The following ATAD2B variants were observed in gnomAD, a reference collection of about 807,000 sequenced individuals.
The protein encoded by ATAD2B is ATPase family AAA domain containing 2B.
ATAD2B carries 40 observed loss-of-function variants against 167.6 expected under a neutral mutation model. The ratio of observed to expected loss-of-function variants is 0.24; its 90% CI spans 0.19 to 0.31. The LOEUF is 0.31. ATAD2B is among the 10% of genes least tolerant of loss of function. ATAD2B has a pLI of 1.00. For synonymous variants in ATAD2B, 579 were observed against 596.5 expected (o/e 0.97, Z 0.43); for missense variants, 1,242 against 1,757.2 (o/e 0.71, Z 5.24).
At chr2:23,693,917 G>A in the ATAD2B span, among the ~76,000 whole-genome samples, 1 of 152,182 alleles carries the variant, frequency 6.6e-6, no homozygotes, top group Non-Finnish European at 1.5e-5. Context: ...GGGAGAGTGA[G>A]GTCCTGAGGG....
rs1202069671 is a variant in ATAD2B at position 23,758,025 on chromosome 2, T to A, written c.3471A>T (p.Leu1157Phe). 3.1e-6 allele frequency: 5 copies of A among 1,609,482 alleles called. No individual in the cohort carries two copies. Among genetic ancestry groups the A allele is most frequent in the East Asian group, 2.2e-5 (1 of 44,848 alleles). ...GIIKKRKVNN[L>F]KKDEEDTKFA... ...ATTTGGTGTCTTCTTCATCTTTTTT[T>A]AAATTATTAACTTTCCTTTTCTTAA... The change falls in exon 25 of 28, where the codon TTA becomes TTT. Residue 1157 changes from leucine (L) to phenylalanine (F), a missense_variant. This residue lies in a region of ATAD2B where 282 missense variants were observed against 346.8 expected (regional missense o/e 0.81). Transcript: ENST00000238789.
At chr2:23,798,573 C>T (rs1682968016) in intron 18 of ATAD2B, among the ~76,000 whole-genome samples, 3 of 151,092 alleles carry the variant, frequency 2.0e-5, no homozygotes, top group Non-Finnish European at 2.9e-5. Flanking sequence ...TATTCCTATT[C>T]AGTATATATT....
the ATAD2B span, among the ~76,000 whole-genome samples, chr2:23,733,404 C>G: frequency 6.6e-6 from 1 of 152,214 alleles, no homozygotes; most frequent in African/African-American, 2.4e-5. Flanking sequence ...AATTGCTAGA[C>G]ACCCTCTACC....
At chr2:23,763,802 G>T (rs533570546) in intron 23 of ATAD2B, among the ~76,000 whole-genome samples, 1 of 152,060 alleles carries the variant, frequency 6.6e-6, no homozygotes, top group African/African-American at 2.4e-5. Flanking sequence ...ATGTTGCCCA[G>T]GCTGGTCTCA....
the ATAD2B span, among the ~76,000 whole-genome samples, chr2:23,728,944 G>A: frequency 1.3e-5 from 2 of 152,282 alleles, no homozygotes; most frequent in South Asian, 2.1e-4. Flanking sequence ...GGCTGGGGAG[G>A]CCTCAGGAAA....
At chr2:23,827,364 T>C (rs1688413243) in intron 15 of ATAD2B, among the ~76,000 whole-genome samples, 1 of 152,162 alleles carries the variant, frequency 6.6e-6, no homozygotes, top group South Asian at 2.1e-4. Flanking sequence ...TCTTTGGAAA[T>C]GCAAAAGGAA....
At chr2:23,801,411 G>A (rs1454723676) in intron 18 of ATAD2B, among the ~76,000 whole-genome samples, 1 of 151,956 alleles carries the variant, frequency 6.6e-6, no homozygotes, top group Non-Finnish European at 1.5e-5. Flanking sequence ...TTGGGAACAA[G>A]TGATGCCATT....
downstream of ATAD2B, chr2:23,748,638 G>A (rs1012948735): frequency 6.6e-6 from 1 of 152,092 alleles, no homozygotes; most frequent in Admixed American, 6.6e-5. Flanking sequence ...AGCCAACAGT[G>A]ATCATAATTA....
intron 17 of ATAD2B, among the ~76,000 whole-genome samples, chr2:23,817,938 T>C (rs1164180010): frequency 2.0e-5 from 3 of 152,134 alleles, no homozygotes; most frequent in South Asian, 2.1e-4. Context: ...ACATGATACT[T>C]TCTAATATCA....
chr2:23,854,441 G>A (rs1693036260), intron 13 of ATAD2B, among the ~76,000 whole-genome samples: 1 of 152,034 alleles, frequency 6.6e-6, no homozygotes, highest in Non-Finnish European at 1.5e-5. Flanking sequence ...ACTTTGGGAG[G>A]CCGAGGTGGG....
chr2:23,852,289 T>C (rs1408025170), intron 13 of ATAD2B, among the ~76,000 whole-genome samples: 1 of 151,910 alleles, frequency 6.6e-6, no homozygotes, highest in East Asian at 1.9e-4. Context: ...GGGAATGCCA[T>C]CTCATCTTTT....
rs572087707 is a variant in ATAD2B, at chr2:23,859,967, T to C, written c.1480-2464A>G. On this transcript the variant is annotated intron_variant, in intron 12 of 27. Transcript: ENST00000238789. ...TCAGCCTCAAAAAAAAAAAAAGAAA[T>C]TTAATTGTCATTGTGACAGGTATTG... 2.6e-5 allele frequency among the ~76,000 whole-genome samples: 4 copies of C among 151,530 alleles called. No homozygotes were observed. The East Asian group carries it at 7.8e-4, about 30-fold the overall frequency.
intron 19 of ATAD2B, among the ~76,000 whole-genome samples, chr2:23,794,915 C>T (rs1682364147): frequency 6.6e-6 from 1 of 152,032 alleles, no homozygotes; most frequent in Non-Finnish European, 1.5e-5. Flanking sequence ...ATCGTGGGGA[C>T]TATTGAACTA....
chr2:23,735,800 A>C, the ATAD2B span, among the ~76,000 whole-genome samples: 1 of 152,330 alleles, frequency 6.6e-6, no homozygotes, highest in East Asian at 1.9e-4. Flanking sequence ...TAAGTCAAGG[A>C]AAGGTGAAAG....
chr2:23,893,077 T>A lies in ATAD2B; in HGVS notation c.368+2742A>T, dbSNP rs187348258. Among the ~76,000 whole-genome samples, 34 of 152,316 alleles carry A rather than the reference T, an allele frequency of 2.2e-4. No individual in the cohort carries two copies. The South Asian group carries it at 5.0e-3, about 22-fold the overall frequency. On this transcript the variant is annotated intron_variant, in intron 2 of 27. Coordinates refer to ENST00000238789, the MANE Select transcript of ATAD2B (RefSeq NM_017552.4). ...AAAATTCTGTTGATACACTTGGGCCTTTAAACCCAGGTTTCACCCCAAAAG... is the reference window on the plus strand; with the variant it reads ...AAAATTCTGTTGATACACTTGGGCCATTAAACCCAGGTTTCACCCCAAAAG...
the ATAD2B span, among the ~76,000 whole-genome samples, chr2:23,692,990 C>T: frequency 2.6e-5 from 4 of 152,184 alleles, no homozygotes; most frequent in Non-Finnish European, 5.9e-5. Flanking sequence ...CTGAGCAGGG[C>T]TCTCCTGCTC....
the ATAD2B span, among the ~76,000 whole-genome samples, chr2:23,718,341 T>C: frequency 3.9e-5 from 6 of 152,160 alleles, no homozygotes; most frequent in East Asian, 1.2e-3. Flanking sequence ...ACAGCAACAG[T>C]GGCCATGATA....
chr2:23,807,280 A>C (rs1382973090), intron 18 of ATAD2B, among the ~76,000 whole-genome samples: 4 of 113,498 alleles, frequency 3.5e-5, no homozygotes, highest in Non-Finnish European at 5.4e-5. Context: ...GTACACACAC[A>C]TGCACACACA....
At chr2:23,872,283 G>A (rs879227652) in intron 8 of ATAD2B, 10 of 489,486 alleles carry the variant, frequency 2.0e-5, no homozygotes, top group South Asian at 1.0e-4. Context: ...CAGCTTCCAC[G>A]GCTTTACGCA....
Sources: allele counts gnomAD v4.1 joint callset (sites outside exome capture counted in the v4.1 genomes callset), GRCh38; gene constraint gnomAD v4.1.1; regional missense constraint gnomAD v4.1.1; transcripts MANE v1.5; gene names NCBI Gene and HGNC (gene_info 2026-07-23, HGNC 2026-07-21).